SIN3A: variants seen among roughly 807,000 people sequenced by gnomAD.
SIN3A encodes the protein SIN3 transcription regulator family member A, also known as paired amphipathic helix protein Sin3a.
Under a neutral mutation model 146.1 loss-of-function variants are expected in SIN3A, and 14 were observed. The ratio of observed to expected loss-of-function variants is 0.10; its 90% CI spans 0.06 to 0.15. The LOEUF (loss-of-function observed/expected upper bound fraction) is 0.15. Among genes scored for constraint, SIN3A ranks in the 10% least tolerant of loss-of-function variants. SIN3A has a pLI of 1.00. For synonymous variants in SIN3A, 572 were observed against 572.0 expected, an observed-to-expected ratio of 1.00 and a Z score of 0.00; for missense variants, 1,028 against 1,576.0, an observed-to-expected ratio of 0.65 and a Z score of 5.89.
At chr15:75,454,971 G>A (rs2074467387), upstream of SIN3A, 1 of 152,296 alleles carries the variant, frequency 6.6e-6, no homozygotes, top group East Asian at 1.9e-4. Flanking sequence ...GCCACGGCCA[G>A]GGAGTTTGGA....
intron 1 of SIN3A, among the ~76,000 whole-genome samples, chr15:75,432,784 C>T (rs139843561): frequency 2.1e-3 from 309 of 149,972 alleles, no homozygotes; most frequent in African/African-American, 7.1e-3. Flanking sequence ...GGCTCACACC[C>T]GTAATCCCAG....
At chr15:75,427,418 C>T (rs2073943526) in intron 2 of SIN3A, among the ~76,000 whole-genome samples, 1 of 152,106 alleles carries the variant, frequency 6.6e-6, no homozygotes, top group Non-Finnish European at 1.5e-5. Flanking sequence ...GCCTGTAATC[C>T]CAGCACTTTG....
At chr15:75,375,598 T>C (rs2141368265) in intron 20 of SIN3A, 67 bp downstream of exon 20, 2 of 1,269,666 alleles carry the variant, frequency 1.6e-6, no homozygotes, top group East Asian at 4.6e-5. Context: ...ATCAGAAGAC[T>C]CTGGGCCTCC....
intron 1 of SIN3A, among the ~76,000 whole-genome samples, chr15:75,446,984 G>T (rs970061231): frequency 6.6e-6 from 1 of 151,952 alleles, no homozygotes; most frequent in African/African-American, 2.4e-5. Flanking sequence ...AGCCAGGATG[G>T]TCTCAATCTC....
intron 10 of SIN3A, 47 bp downstream of exon 10, chr15:75,401,805 C>T (rs1403043162): frequency 9.2e-7 from 1 of 1,092,150 alleles, no homozygotes; most frequent in Non-Finnish European, 1.4e-6. Context: ...CAAACATTAC[C>T]TGGTCTCCAT....
intron 13 of SIN3A, 120 bp from the exon 14 acceptor site, chr15:75,394,983 T>C: frequency 1.2e-6 from 1 of 848,758 alleles, no homozygotes; most frequent in African/African-American, 1.7e-5. Flanking sequence ...TCTCTCAAAA[T>C]TACTGGCAAC....
At chr15:75,450,394 G>A (rs2074381066) in intron 1 of SIN3A, among the ~76,000 whole-genome samples, 1 of 152,070 alleles carries the variant, frequency 6.6e-6, no homozygotes, top group African/African-American at 2.4e-5. Flanking sequence ...GCCCCGTACA[G>A]CCACGGTAAC....
chr15:75,409,210 A>T (rs2073579348), intron 8 of SIN3A, among the ~76,000 whole-genome samples: 1 of 152,006 alleles, frequency 6.6e-6, no homozygotes, highest in Non-Finnish European at 1.5e-5. Flanking sequence ...TCTCAAAAAA[A>T]AAAGAAGGGA....
Position 75,384,365 on chromosome 15 carries a change from C to T in SIN3A, c.3094G>A (p.Ala1032Thr), listed in dbSNP as rs756434325. 1 of 1,613,526 alleles carries T rather than the reference C, an allele frequency of 6.2e-7. No individual in the cohort carries two copies. The highest frequency in any genetic ancestry group is 8.5e-7 in the Non-Finnish European group (1 of 1,179,582). Residue 1032 changes from alanine (A) to threonine (T), a missense_variant, in exon 17 of 21, where the codon GCC becomes ACC. By Grantham distance (58) the Ala-to-Thr change is moderately conservative (BLOSUM62 0). This residue lies in a region of SIN3A where 488 missense variants were observed against 690.2 expected (regional missense o/e 0.71). Transcript: ENST00000394947. Reference sequence around the variant, plus strand: ...TGTGTGTTCAGCTGGCCTCCGGTGGCCCCATTATTATTTTCTGCCAGGTAA... The same window carrying T: ...TGTGTGTTCAGCTGGCCTCCGGTGGTCCCATTATTATTTTCTGCCAGGTAA... ...DLYLAENNNG[A>T]TGGQLNTQNS...
intron 1 of SIN3A, among the ~76,000 whole-genome samples, chr15:75,439,108 T>A (rs1426456002): frequency 6.6e-6 from 1 of 152,182 alleles, no homozygotes; most frequent in East Asian, 1.9e-4. Context: ...GGTCCTCAAC[T>A]AGGGGAGATT....
chr15:75,381,247 T>C (rs888317457), intron 18 of SIN3A, among the ~76,000 whole-genome samples: 5 of 151,928 alleles, frequency 3.3e-5, no homozygotes, highest in Non-Finnish European at 7.4e-5. Flanking sequence ...TATTCAGGGG[T>C]TGAAAACTCT....
chr15:75,446,141 T>C, intron 1 of SIN3A: 1 of 152,138 alleles, frequency 6.6e-6, no homozygotes, highest in South Asian at 2.1e-4. Flanking sequence ...CAAAGTATAA[T>C]ATTTAGAATA....
At chr15:75,426,629 A>G (rs915395554) in intron 2 of SIN3A, among the ~76,000 whole-genome samples, 2 of 152,198 alleles carry the variant, frequency 1.3e-5, no homozygotes, top group African/African-American at 4.8e-5. Context: ...TCCACATTGT[A>G]CAAAAAGAAA....
chr15:75,412,411 A>AC (rs1431556842), intron 5 of SIN3A, among the ~76,000 whole-genome samples: 1 of 152,208 alleles, frequency 6.6e-6, no homozygotes, highest in Non-Finnish European at 1.5e-5. Flanking sequence ...TCATAAAATA[A>AC]CCATGTGGGC....
chr15:75,380,739 C>A lies in SIN3A; in HGVS notation c.3289-16G>T. ...CTGACCAGCGCTAAGATGGCAAACA[C>A]AAAATACAGGTGGAAGGAAATCACA... On this transcript the variant is annotated splice_polypyrimidine_tract_variant and intron_variant, in intron 18 of 20. Transcript: ENST00000394947. 6.3e-7 allele frequency: 1 copy of A among 1,593,068 alleles called. No homozygotes were observed. The highest frequency in any genetic ancestry group is 8.6e-7 in the Non-Finnish European group (1 of 1,161,262).
At chr15:75,380,785 G>A in intron 18 of SIN3A, 62 bp from the exon 19 acceptor site, 1 of 1,088,460 alleles carries the variant, frequency 9.2e-7, no homozygotes, top group Non-Finnish European at 1.4e-6. Context: ...CTAATGCATT[G>A]GGCACTCTAG....
intron 3 of SIN3A, chr15:75,415,895 G>T: frequency 4.0e-6 from 1 of 249,678 alleles, no homozygotes; most frequent in East Asian, 1.0e-4. Flanking sequence ...AAAGGAGAGA[G>T]AGGAGGTACC....
At chr15:75,423,595 G>A (rs1248807428) in intron 2 of SIN3A, among the ~76,000 whole-genome samples, 4 of 151,932 alleles carry the variant, frequency 2.6e-5, no homozygotes, top group Admixed American at 6.6e-5. Flanking sequence ...GGAGAATAGC[G>A]TGAACCCAGG....
chr15:75,392,816 CT>C lies in SIN3A; in HGVS notation c.2278-2del. On this transcript the variant is annotated splice_acceptor_variant, in intron 14 of 20. Transcript: ENST00000394947. LOFTEE classifies it high-confidence loss of function. The stretch of plus-strand genomic sequence containing the variant: ...TCTCCTCCGTAGCCTGCTCTTGCCT[CT>C]GATGGGACAGAGACACAAAAGTATT... 6.2e-7 allele frequency: 1 copy of C among 1,600,660 alleles called. No individual in the cohort carries two copies. Among genetic ancestry groups the C allele is most frequent in the Non-Finnish European group, 8.5e-7 (1 of 1,172,954 alleles).
Sources: allele counts gnomAD v4.1 joint callset (sites outside exome capture counted in the v4.1 genomes callset), GRCh38; gene constraint gnomAD v4.1.1; regional missense constraint gnomAD v4.1.1; transcripts MANE v1.5; gene names NCBI Gene and HGNC (gene_info 2026-07-23, HGNC 2026-07-21).